Variants in CACNA2D3 observed in about 807,000 individuals in gnomAD.
CACNA2D3 encodes the protein calcium voltage-gated channel auxiliary subunit alpha2delta 3, also known as voltage-dependent calcium channel subunit alpha-2/delta-3.
Under a neutral mutation model 160.6 loss-of-function variants are expected in CACNA2D3, and 60 were observed. The observed-to-expected ratio is 0.37, with a 90% CI of 0.30 to 0.46. The LOEUF is 0.46. CACNA2D3 is among the 20% of genes least tolerant of loss of function. The pLI is 1.00. For synonymous variants in CACNA2D3, 558 were observed against 492.9 expected (o/e 1.13, Z -1.75); for missense variants, 1,205 against 1,365.0 (o/e 0.88, Z 1.85).
chr3:54,935,628 A>G (rs1575389907), intron 27 of CACNA2D3, among the ~76,000 whole-genome samples: 2 of 152,310 alleles, frequency 1.3e-5, no homozygotes, highest in Admixed American at 6.5e-5. Flanking sequence ...GCTCATGTTA[A>G]CACATGAAAT....
chr3:54,806,329 T>G (rs1467463627), intron 13 of CACNA2D3, among the ~76,000 whole-genome samples: 5 of 152,118 alleles, frequency 3.3e-5, no homozygotes, highest in African/African-American at 1.2e-4. Context: ...AAAATCTCCT[T>G]AAGCTGATAA....
intron 2 of CACNA2D3, among the ~76,000 whole-genome samples, chr3:54,276,615 T>TAG (rs1263224796): frequency 6.6e-6 from 1 of 150,796 alleles, no homozygotes; most frequent in Non-Finnish European, 1.5e-5. Flanking sequence ...AGAGAGCCAT[T>TAG]AGAGAGAGTC....
At chr3:54,387,102 A>G (rs1699201112) in intron 4 of CACNA2D3, among the ~76,000 whole-genome samples, 1 of 152,240 alleles carries the variant, frequency 6.6e-6, no homozygotes, top group African/African-American at 2.4e-5. Flanking sequence ...GAATACATCC[A>G]AATCCCACTT....
chr3:54,890,396 T>C (rs1055541697), intron 24 of CACNA2D3, among the ~76,000 whole-genome samples: 3 of 146,190 alleles, frequency 2.1e-5, no homozygotes, highest in African/African-American at 5.1e-5. Flanking sequence ...CTCGGGGGGC[T>C]GAGGCAGGAG....
chr3:55,035,267 C>T (rs1032181016), intron 35 of CACNA2D3, among the ~76,000 whole-genome samples: 7 of 152,042 alleles, frequency 4.6e-5, no homozygotes, highest in South Asian at 2.1e-4. Flanking sequence ...ACAAAAGAAA[C>T]GGTATTGACT....
At chr3:54,804,655 T>C (rs1366489259) in intron 13 of CACNA2D3, among the ~76,000 whole-genome samples, 1 of 152,018 alleles carries the variant, frequency 6.6e-6, no homozygotes, top group Non-Finnish European at 1.5e-5. Context: ...GACAGAAAGT[T>C]AACAAGGAAA....
intron 8 of CACNA2D3, among the ~76,000 whole-genome samples, chr3:54,579,272 A>G (rs1380957996): frequency 2.0e-5 from 3 of 152,168 alleles, no homozygotes; most frequent in Non-Finnish European, 4.4e-5. Context: ...GCCTGGAGGA[A>G]GGTGGCTGCA....
At chr3:54,334,530 G>C (rs1704333023) in intron 3 of CACNA2D3, among the ~76,000 whole-genome samples, 2 of 152,202 alleles carry the variant, frequency 1.3e-5, no homozygotes, top group South Asian at 4.1e-4. Flanking sequence ...CTGACAGTGA[G>C]ACCTGAACCT....
At chr3:54,946,817 TA>T (rs11295270) in intron 27 of CACNA2D3, among the ~76,000 whole-genome samples, 40,292 of 145,064 alleles carry the variant, frequency 0.28, 5,616 homozygotes, top group African/African-American at 0.37. Context: ...TGTGGTTTAT[TA>T]AAAAAAAAAA....
chr3:54,151,208 T>C (rs1199909105), intron 2 of CACNA2D3, among the ~76,000 whole-genome samples: 11 of 151,714 alleles, frequency 7.3e-5, no homozygotes, highest in African/African-American at 2.7e-4. Flanking sequence ...GGTGGATAAG[T>C]AGATTAATTA....
chr3:54,346,780 T>C (rs1031351035), intron 3 of CACNA2D3, among the ~76,000 whole-genome samples: 3 of 152,230 alleles, frequency 2.0e-5, no homozygotes, highest in Non-Finnish European at 4.4e-5. Flanking sequence ...CCTGTATCCG[T>C]CATTACCGTA....
chr3:54,368,411 T>C (rs532279164), intron 3 of CACNA2D3, among the ~76,000 whole-genome samples: 129 of 152,248 alleles, frequency 8.5e-4, no homozygotes, highest in African/African-American at 3.0e-3. Context: ...TTACTAGTCT[T>C]TGCTTAATAA....
intron 2 of CACNA2D3, among the ~76,000 whole-genome samples, chr3:54,230,905 T>G (rs1179154070): frequency 1.3e-5 from 2 of 152,194 alleles, no homozygotes; most frequent in African/African-American, 2.4e-5. Flanking sequence ...GATCAAAAAT[T>G]TCCAAGCTTC....
chr3:54,695,917 A>G (rs567293065), intron 11 of CACNA2D3, among the ~76,000 whole-genome samples: 1 of 152,186 alleles, frequency 6.6e-6, no homozygotes, highest in Admixed American at 6.5e-5. Flanking sequence ...GTGAAGTCAG[A>G]TGATCAGATA....
intron 3 of CACNA2D3, among the ~76,000 whole-genome samples, chr3:54,356,987 A>G (rs1289996644): frequency 3.9e-5 from 6 of 152,078 alleles, no homozygotes; most frequent in Admixed American, 3.9e-4. Flanking sequence ...TTTGTCATTT[A>G]AGAGACATAT....
intron 18 of CACNA2D3, chr3:54,875,193 C>T (rs1699631224): frequency 6.6e-6 from 1 of 152,124 alleles, no homozygotes; most frequent in Non-Finnish European, 1.5e-5. Flanking sequence ...AGTGTCTCTC[C>T]AGCTCATGCT....
chr3:55,031,660 A>T (rs781386936), intron 35 of CACNA2D3, among the ~76,000 whole-genome samples: 17 of 152,168 alleles, frequency 1.1e-4, no homozygotes, highest in Non-Finnish European at 2.2e-4. Context: ...TTGGCACCCC[A>T]GGGTAGAGAC....
At chr3:54,660,986 G>C (rs1212746063) in intron 11 of CACNA2D3, among the ~76,000 whole-genome samples, 1 of 152,240 alleles carries the variant, frequency 6.6e-6, no homozygotes, top group Non-Finnish European at 1.5e-5. Flanking sequence ...AGAGCTGCAT[G>C]TTAACTGTCC....
intron 23 of CACNA2D3, 42 bp from the exon 24 acceptor site, chr3:54,887,917 C>G (rs757437275): frequency 2.0e-6 from 3 of 1,521,524 alleles, no homozygotes; most frequent in East Asian, 2.3e-5. Context: ...TGCCCCTCTT[C>G]CAGCCCTGCT....
Sources: gnomAD v4.1 joint callset for allele counts (sites outside exome capture counted in the v4.1 genomes callset) on GRCh38, gnomAD v4.1.1 for gene constraint, MANE v1.5 for transcripts, NCBI Gene and HGNC (gene_info 2026-07-23, HGNC 2026-07-21) for gene names.